Variants in KSR1 observed in about 807,000 individuals in gnomAD.
KSR1 encodes kinase suppressor of ras 1, also known as kinase suppressor of ras.
A neutral mutation model predicts 92.9 loss-of-function variants in KSR1; 35 were observed. The observed-to-expected ratio is 0.38, with a 90% CI of 0.29 to 0.50. KSR1 has a LOEUF of 0.50. Among genes scored for constraint, KSR1 ranks in the 20% least tolerant of loss-of-function variants. KSR1 has a pLI of 0.94. For synonymous variants in KSR1, 467 were observed against 472.6 expected, an observed-to-expected ratio of 0.99 and a Z score of 0.15; for missense variants, 972 against 1,158.5, an observed-to-expected ratio of 0.84 and a Z score of 2.34.
chr17:27,593,416 C>T (rs1262893424), intron 9 of KSR1, among the ~76,000 whole-genome samples: 1 of 152,212 alleles, frequency 6.6e-6, no homozygotes, highest in Non-Finnish European at 1.5e-5. Flanking sequence ...TACCTGCAGC[C>T]CCAGACCAGG....
chr17:27,496,981 T>G (rs2069010206), intron 1 of KSR1, among the ~76,000 whole-genome samples: 1 of 152,218 alleles, frequency 6.6e-6, no homozygotes, highest in Non-Finnish European at 1.5e-5. Flanking sequence ...TCTTTCTTTT[T>G]GCGTAAGCAG....
At chr17:27,571,893 A>G (rs529932995) in intron 2 of KSR1, among the ~76,000 whole-genome samples, 62 of 152,198 alleles carry the variant, frequency 4.1e-4, no homozygotes, top group Non-Finnish European at 8.4e-4. Flanking sequence ...CAGCAGGCCC[A>G]GGTTTCTAAG....
chr17:27,580,251 G>T (rs564329976), intron 3 of KSR1, among the ~76,000 whole-genome samples: 3 of 152,278 alleles, frequency 2.0e-5, no homozygotes, highest in African/African-American at 7.2e-5. Flanking sequence ...CCTGTTTGGT[G>T]CCTCCAGTAG....
intron 1 of KSR1, 150 bp from the exon 2 acceptor site, chr17:27,550,418 C>T (rs887007605): frequency 4.5e-5 from 30 of 666,870 alleles, no homozygotes; most frequent in Middle Eastern, 3.7e-4. Context: ...TCCACCCTTT[C>T]CCCTCCCCTG....
In KSR1 at chr17:27,507,261, C is replaced by T. The variant is rs1325508058; in HGVS notation, c.232-43307C>T. On this transcript the variant is annotated intron_variant, in intron 1 of 20. Transcript: ENST00000644974. ...CAGCCTGGCCAACATGGTGAAACCCCGTCTCTACTAAAAATACAAAAATTA... is the reference window on the plus strand; with the variant it reads ...CAGCCTGGCCAACATGGTGAAACCCTGTCTCTACTAAAAATACAAAAATTA... Among the ~76,000 whole-genome samples, 9 of 152,086 alleles carry T rather than the reference C, an allele frequency of 5.9e-5. No individual in the cohort carries two copies. In the South Asian group the frequency reaches 8.3e-4, roughly 14 times the overall value.
chr17:27,522,392 A>C (rs1178546689), intron 1 of KSR1, among the ~76,000 whole-genome samples: 1 of 152,204 alleles, frequency 6.6e-6, no homozygotes, highest in Non-Finnish European at 1.5e-5. Flanking sequence ...TCGCCTTTGC[A>C]GTGAGCAGAT....
At chr17:27,589,909 A>C (rs1470187101) in intron 6 of KSR1, among the ~76,000 whole-genome samples, 1 of 152,208 alleles carries the variant, frequency 6.6e-6, no homozygotes, top group Non-Finnish European at 1.5e-5. Context: ...TGTCTTCTAG[A>C]GATATTTTAT....
chr17:27,582,821 T>C lies in KSR1; in HGVS notation c.696T>C (p.Ala232=). ...GCCCACGCTCCATCTCCGTGTCAGC[T>C]CTGCCCGCCTCAGACTCCCCCACCC... ...AQGPRSISVS[A]LPASDSPTPS... is the part of the protein sequence containing the mutation. The change falls in exon 4 of 21, where the codon GCT becomes GCC. Residue 232 remains alanine (A), a synonymous_variant. Transcript: ENST00000644974. 1 of 1,613,154 alleles carries C rather than the reference T, an allele frequency of 6.2e-7. No homozygotes were observed. Among genetic ancestry groups the C allele is most frequent in the Non-Finnish European group, 8.5e-7 (1 of 1,179,602 alleles).
At chr17:27,486,983 GA>G (rs1194783588) in intron 1 of KSR1, among the ~76,000 whole-genome samples, 1 of 152,296 alleles carries the variant, frequency 6.6e-6, no homozygotes, top group East Asian at 1.9e-4. Flanking sequence ...ACACACTGGA[GA>G]ATTGCCAGTG....
At chr17:27,603,927 G>A in intron 12 of KSR1, 39 bp downstream of exon 12, 1 of 1,604,416 alleles carries the variant, frequency 6.2e-7, no homozygotes, top group Non-Finnish European at 8.5e-7. Flanking sequence ...GCTTCTTTGG[G>A]GAATTATTAA....
chr17:27,500,518 C>T (rs2069140694), intron 1 of KSR1, among the ~76,000 whole-genome samples: 1 of 152,238 alleles, frequency 6.6e-6, no homozygotes, highest in Non-Finnish European at 1.5e-5. Context: ...AGCCATGCAC[C>T]TGGACCAACC....
chr17:27,591,686 C>T (rs375472676), intron 7 of KSR1, among the ~76,000 whole-genome samples: 9 of 152,344 alleles, frequency 5.9e-5, no homozygotes, highest in African/African-American at 2.2e-4. Context: ...TCTCTCTAGT[C>T]TGGGTCTCCT....
At chr17:27,548,277 A>G (rs573759810) in intron 1 of KSR1, among the ~76,000 whole-genome samples, 13 of 152,038 alleles carry the variant, frequency 8.6e-5, no homozygotes, top group African/African-American at 2.9e-4. Context: ...AAATGAAAGT[A>G]TTGTTCTTTG....
chr17:27,470,240 GTTTTTTTTTT>G (rs546302787), intron 1 of KSR1, among the ~76,000 whole-genome samples: 2 of 114,390 alleles, frequency 1.7e-5, no homozygotes, highest in African/African-American at 6.8e-5. Flanking sequence ...TTTTGTTTGT[GTTTTTTTTTT>G]TTTTTTTTTG....
At chr17:27,552,684 T>C (rs1284546010) in intron 2 of KSR1, among the ~76,000 whole-genome samples, 1 of 152,162 alleles carries the variant, frequency 6.6e-6, no homozygotes, top group African/African-American at 2.4e-5. Context: ...GCAGTAGCAC[T>C]CCCCTCTTCC....
intron 1 of KSR1, among the ~76,000 whole-genome samples, chr17:27,495,586 T>C (rs2068958368): frequency 6.6e-6 from 1 of 152,214 alleles, no homozygotes; most frequent in African/African-American, 2.4e-5. Flanking sequence ...CTCGTGTCCC[T>C]TCCAGCTCTG....
chr17:27,490,764 T>C (rs1243269812), intron 1 of KSR1, among the ~76,000 whole-genome samples: 1 of 152,160 alleles, frequency 6.6e-6, no homozygotes, highest in Non-Finnish European at 1.5e-5. Context: ...AAATGTATGT[T>C]CCTTAGGATT....
At chr17:27,611,122 G>A (rs568672947) in intron 17 of KSR1, among the ~76,000 whole-genome samples, 1 of 152,302 alleles carries the variant, frequency 6.6e-6, no homozygotes, top group African/African-American at 2.4e-5. Flanking sequence ...CAGGTGCTGG[G>A]CTTGGCAATT....
At chr17:27,482,504 A>G (rs2068541108) in intron 1 of KSR1, among the ~76,000 whole-genome samples, 1 of 152,218 alleles carries the variant, frequency 6.6e-6, no homozygotes, top group African/African-American at 2.4e-5. Context: ...AGGACCAACT[A>G]TGATTTAAAA....
Sources: allele counts gnomAD v4.1 joint callset (sites outside exome capture counted in the v4.1 genomes callset), GRCh38; gene constraint gnomAD v4.1.1; transcripts MANE v1.5; gene names NCBI Gene and HGNC (gene_info 2026-07-23, HGNC 2026-07-21).